RBFOX2: variants seen among roughly 807,000 people sequenced by gnomAD.
RBFOX2 encodes the protein RNA binding fox-1 homolog 2, also known as RNA binding protein fox-1 homolog 2.
In RBFOX2, 10 loss-of-function variants were observed where a neutral mutation model predicts 49.1. The ratio of observed to expected loss-of-function variants is 0.20; its 90% CI spans 0.13 to 0.35. The LOEUF (loss-of-function observed/expected upper bound fraction) is 0.35, where lower values mean the gene tolerates loss of function less well. Ranked by LOEUF, RBFOX2 falls within the 10% of genes least tolerant of loss-of-function variation. The pLI is 1.00. For missense variants in RBFOX2, 323 were observed against 486.9 expected (o/e 0.66, Z 3.17); for synonymous variants, 183 against 187.4 (o/e 0.98, Z 0.19).
intron 1 of RBFOX2, among the ~76,000 whole-genome samples, chr22:35,986,817 T>C (rs1307731460): frequency 6.6e-6 from 1 of 152,182 alleles, no homozygotes; most frequent in Non-Finnish European, 1.5e-5. Context: ...TTATGGACTA[T>C]TCATCAACTG....
chr22:35,764,401 G>A (rs1044138095), intron 6 of RBFOX2, among the ~76,000 whole-genome samples: 1 of 151,912 alleles, frequency 6.6e-6, no homozygotes, highest in Non-Finnish European at 1.5e-5. Context: ...TGGCTAACAC[G>A]GTGAAACCCC....
At chr22:36,014,399 C>G (rs1344935050) in intron 1 of RBFOX2, among the ~76,000 whole-genome samples, 1 of 152,118 alleles carries the variant, frequency 6.6e-6, no homozygotes, top group African/African-American at 2.4e-5. Context: ...CGTGAGCCAC[C>G]GCGCCCGGCC....
intron 1 of RBFOX2, among the ~76,000 whole-genome samples, chr22:35,901,019 GCTA>G (rs2048501335): frequency 6.6e-6 from 1 of 152,114 alleles, no homozygotes; most frequent in Non-Finnish European, 1.5e-5. Flanking sequence ...ACCACCAACC[GCTA>G]CTATTTACTC....
chr22:35,922,792 A>G (rs1159043143), intron 1 of RBFOX2, among the ~76,000 whole-genome samples: 12 of 152,174 alleles, frequency 7.9e-5, no homozygotes, highest in Admixed American at 7.9e-4. Context: ...TAGAGCCACA[A>G]TCTTTTGTTT....
intron 1 of RBFOX2, among the ~76,000 whole-genome samples, chr22:36,025,174 A>G (rs1280977131): frequency 6.6e-6 from 1 of 152,154 alleles, no homozygotes; most frequent in Non-Finnish European, 1.5e-5. Flanking sequence ...ACCATCTCCT[A>G]AGACTACCTG....
intron 9 of RBFOX2, among the ~76,000 whole-genome samples, chr22:35,748,909 T>A (rs1933835923): frequency 6.6e-6 from 1 of 152,196 alleles, no homozygotes; most frequent in Non-Finnish European, 1.5e-5. Flanking sequence ...GTACTGGAGG[T>A]ACGATCTCTG....
At chr22:35,976,747 G>A (rs1026536458) in intron 1 of RBFOX2, among the ~76,000 whole-genome samples, 1 of 152,136 alleles carries the variant, frequency 6.6e-6, no homozygotes, top group African/African-American at 2.4e-5. Context: ...TGGAACACCT[G>A]AGGTCAGGAG....
chr22:35,809,719 G>A, intron 2 of RBFOX2, 61 bp downstream of exon 3: 1 of 1,535,818 alleles, frequency 6.5e-7, no homozygotes, highest in Non-Finnish European at 9.0e-7. Flanking sequence ...GTATAATTAA[G>A]GCGACAATTT....
chr22:35,981,376 C>T (rs759542656), intron 1 of RBFOX2, among the ~76,000 whole-genome samples: 1 of 152,170 alleles, frequency 6.6e-6, no homozygotes, highest in African/African-American at 2.4e-5. Context: ...GGCGTGGTGG[C>T]TCACACCAGT....
chr22:35,997,857 A>T (rs1603464249), intron 1 of RBFOX2: 3 of 152,136 alleles, frequency 2.0e-5, no homozygotes, highest in African/African-American at 7.2e-5. Context: ...ATAAAAAATT[A>T]CCCAGACATG....
rs374346895 is a variant in RBFOX2 at position 35,803,147 on chromosome 22, A to AACACACACAC, written c.252+6623_252+6632dup. ...GTTTAAGTATGGGCAAATTACTTAA[A>AACACACACAC]ACACACACACACACACACACACACA... is the stretch of plus-strand genomic sequence containing the variant. On this transcript the variant is annotated intron_variant, in intron 2 of 11. Transcript: ENST00000405409. Among the ~76,000 whole-genome samples, 159 of 145,840 alleles carry AACACACACAC rather than the reference A, an allele frequency of 1.1e-3. 1 individual carries two copies. Among genetic ancestry groups the AACACACACAC allele is most frequent in the Middle Eastern group, 0.01 (3 of 288 alleles).
chr22:35,939,866 A>T (rs751887957), upstream of RBFOX2, among the ~76,000 whole-genome samples: 7 of 152,236 alleles, frequency 4.6e-5, no homozygotes, highest in Non-Finnish European at 8.8e-5. Context: ...TGAATTAAAA[A>T]TAAGGCCCTT....
intron 1 of RBFOX2, among the ~76,000 whole-genome samples, chr22:35,978,410 T>C (rs534067576): frequency 2.0e-4 from 30 of 152,322 alleles, no homozygotes; most frequent in Middle Eastern, 3.4e-3. Flanking sequence ...AATTTCTAGC[T>C]GTTTGCTGAG....
At chr22:35,836,025 T>C (rs1026238111) in intron 1 of RBFOX2, among the ~76,000 whole-genome samples, 1 of 151,790 alleles carries the variant, frequency 6.6e-6, no homozygotes, top group African/African-American at 2.4e-5. Context: ...CCCCAAATCC[T>C]GCAAAGCCCA....
At chr22:35,816,874 C>T (rs1471976372) in intron 1 of RBFOX2, among the ~76,000 whole-genome samples, 1 of 152,196 alleles carries the variant, frequency 6.6e-6, no homozygotes, top group Non-Finnish European at 1.5e-5. Flanking sequence ...GCTCCTCACA[C>T]CTACCAACTC....
rs540888333 is a variant in RBFOX2 at position 35,932,234 on chromosome 22, C to T, written c.-34+6613G>A. On this transcript the variant is annotated intron_variant, in intron 1 of 13. Transcript: ENST00000359369. ...ATATATTTGCTGTTGTCCACAGCTC[C>T]CAATAAAAAAAAAGCCTTGAAAGTT... Among the ~76,000 whole-genome samples the T allele has an allele frequency of 3.7e-4, 56 of 150,970 alleles. 1 individual carries two copies. The highest frequency in any genetic ancestry group is 1.3e-3 in the African/African-American group (54 of 41,120).
chr22:35,912,430 C>T (rs749340202), intron 1 of RBFOX2, among the ~76,000 whole-genome samples: 106 of 152,190 alleles, frequency 7.0e-4, no homozygotes, highest in African/African-American at 2.4e-3. Flanking sequence ...AATTCTTCCA[C>T]CTTTTCCATC....
intron 1 of RBFOX2, among the ~76,000 whole-genome samples, chr22:35,824,104 G>A (rs1014457677): frequency 5.3e-5 from 8 of 151,906 alleles, no homozygotes; most frequent in African/African-American, 1.5e-4. Context: ...AGCCGAGATC[G>A]CGCTATTGCA....
At chr22:35,847,664 T>A (rs942869248) in intron 1 of RBFOX2, among the ~76,000 whole-genome samples, 3 of 152,152 alleles carry the variant, frequency 2.0e-5, no homozygotes, top group Admixed American at 6.6e-5. Flanking sequence ...TGTTTTTTTT[T>A]AATCCCATTA....
Sources: allele counts gnomAD v4.1 joint callset (sites outside exome capture counted in the v4.1 genomes callset), GRCh38; gene constraint gnomAD v4.1.1; transcripts MANE v1.5; gene names NCBI Gene and HGNC (gene_info 2026-07-23, HGNC 2026-07-21).